Variants in ASPM observed in about 807,000 individuals in gnomAD.
The protein encoded by ASPM is abnormal spindle-like microcephaly-associated protein.
In ASPM, 256 loss-of-function variants were observed where a neutral mutation model predicts 366.4. The observed-to-expected ratio is 0.70, with a 90% CI of 0.63 to 0.77. The LOEUF (loss-of-function observed/expected upper bound fraction) is 0.77. Ranked by LOEUF, ASPM falls within the 30% of genes least tolerant of loss-of-function variation. The probability of loss-of-function intolerance (pLI) is 0.00; values close to 1 mark genes in which losing one functional copy is unlikely to be tolerated. For synonymous variants in ASPM, 1,414 were observed against 1,342.9 expected, an observed-to-expected ratio of 1.05 and a Z score of -1.16; for missense variants, 4,146 against 4,090.4, an observed-to-expected ratio of 1.01 and a Z score of -0.37.
chr1:197,091,077 C>T (rs758257580), intron 22 of ASPM, 36 bp from the exon 23 acceptor site: 2 of 1,522,978 alleles, frequency 1.3e-6, no homozygotes, highest in Admixed American at 1.7e-5. Flanking sequence ...TTCATTTCTA[C>T]TTCAGGTTTT....
At chr1:197,129,447 C>A in intron 8 of ASPM, 130 bp from the exon 9 acceptor site, 1 of 989,440 alleles carries the variant, frequency 1.0e-6, no homozygotes. Context: ...AAATAAAACA[C>A]TATGTGCCTT....
intron 26 of ASPM, among the ~76,000 whole-genome samples, chr1:197,087,624 T>C (rs1656637756): frequency 6.6e-6 from 1 of 152,154 alleles, no homozygotes; most frequent in African/African-American, 2.4e-5. Flanking sequence ...CAAAGTCTTC[T>C]ACTTACCTCT....
intron 17 of ASPM, among the ~76,000 whole-genome samples, chr1:197,108,717 T>C (rs1571605447): frequency 1.3e-5 from 2 of 152,028 alleles, no homozygotes. Flanking sequence ...ACACCTGTAT[T>C]CCTAGCACTT....
intron 19 of ASPM, among the ~76,000 whole-genome samples, chr1:197,095,645 G>A (rs1656946153): frequency 1.3e-5 from 2 of 151,680 alleles, no homozygotes; most frequent in Admixed American, 1.3e-4. Context: ...CAGTAGTTAA[G>A]TCACCCAGCA....
chr1:197,135,366 T>C, intron 4 of ASPM, 124 bp from the exon 5 acceptor site: 1 of 996,006 alleles, frequency 1.0e-6, no homozygotes, highest in Non-Finnish European at 1.6e-6. Flanking sequence ...GCTTTTCTAC[T>C]ACTTGCAGGA....
At chr1:197,125,937 CCCATCACCCATGGCATTAATAGAGTAA>C (rs1658078260) in intron 10 of ASPM, among the ~76,000 whole-genome samples, 1 of 152,130 alleles carries the variant, frequency 6.6e-6, no homozygotes, top group Non-Finnish European at 1.5e-5. Flanking sequence ...TGTAGACCAA[CCCATCACCCATGGCATTAATAGAGTAA>C]CCATCCCAAA....
intron 4 of ASPM, among the ~76,000 whole-genome samples, chr1:197,137,132 T>C (rs1197756150): frequency 1.3e-5 from 2 of 152,158 alleles, no homozygotes; most frequent in African/African-American, 2.4e-5. Flanking sequence ...TGGATTAAGA[T>C]GAAAGAATGA....
chr1:197,107,609 T>C (rs1657452606), intron 17 of ASPM, among the ~76,000 whole-genome samples: 1 of 152,008 alleles, frequency 6.6e-6, no homozygotes, highest in Non-Finnish European at 1.5e-5. Context: ...ATGACAAAGA[T>C]ACTGGAATTG....
chr1:197,095,659 T>C (rs932222176), intron 19 of ASPM, among the ~76,000 whole-genome samples: 5 of 151,744 alleles, frequency 3.3e-5, no homozygotes, highest in Non-Finnish European at 7.4e-5. Context: ...CCCAGCAAAA[T>C]GGCCCAAAGC....
chr1:197,084,283 ATAT>A lies in ASPM; in HGVS notation c.*38_*40del. 6.9e-7 allele frequency: 1 copy of A among 1,445,128 alleles called. No homozygotes were observed. The highest frequency in any genetic ancestry group is 1.4e-5 in the African/African-American group (1 of 71,540). The allele number at this position is 1,445,128 out of a possible 1,614,324, so 89.5% of individuals were successfully genotyped here. ...CTTTACGTACTCATGATTGGCTTTA[ATAT>A]TTCTTTACACTATACATACTGAAAA... On this transcript the variant is annotated 3_prime_UTR_variant, in exon 28 of 28. Coordinates refer to ENST00000367409, the MANE Select transcript of ASPM (RefSeq NM_018136.5).
chr1:197,136,551 GA>G (rs1402368566), intron 4 of ASPM, among the ~76,000 whole-genome samples: 1 of 151,882 alleles, frequency 6.6e-6, no homozygotes, highest in African/African-American at 2.4e-5. Flanking sequence ...AAGTTAAGTT[GA>G]AATAAATTCA....
In ASPM at chr1:197,146,190, G is replaced by T. The variant is rs750568629; in HGVS notation, c.248C>A (p.Pro83Gln). 6.8e-6 allele frequency: 11 copies of T among 1,614,098 alleles called. No individual in the cohort carries two copies. Among genetic ancestry groups the T allele is most frequent in the Admixed American group, 3.3e-5 (2 of 60,022 alleles). ...EVAEVKISHF[P>Q]AADLGFSVSQ... ...CACACTGAAGCCCAGGTCCGCGGCC[G>T]GGAAGTGGGAGATCTTCACTTCTGC... The change falls in exon 1 of 28, where the codon CCG becomes CAG. Residue 83 changes from proline (P) to glutamine (Q), a missense_variant. Around this residue, in one of 3 missense-constraint regions of ASPM, gnomAD observed 512 missense variants for 471.7 expected, o/e 1.09. Coordinates refer to ENST00000367409, the MANE Select transcript of ASPM (RefSeq NM_018136.5).
Position 197,143,234 on chromosome 1 carries a change from A to T in ASPM, c.1018T>A (p.Ser340Thr), listed in dbSNP as rs1658656730. 6.2e-7 allele frequency: 1 copy of T among 1,612,550 alleles called. No individual in the cohort carries two copies. The highest frequency in any genetic ancestry group is 1.7e-5 in the Admixed American group (1 of 59,974). Reference sequence around the variant, plus strand: ...GAATTATCTTTCATAAACATATCTGATGAAAGACATGTTACTAATTCTAGT... The same window carrying T: ...GAATTATCTTTCATAAACATATCTGTTGAAAGACATGTTACTAATTCTAGT... The part of the protein sequence containing the change: ...NELELVTCLS[S>T]DMFMKDNSQP... Residue 340 changes from serine to threonine, a missense_variant, in exon 3 of 28, where the codon TCA (serine) becomes ACA (threonine). Ser to Thr is a moderately conservative substitution (Grantham distance 58). Transcript: ENST00000367409.
chr1:197,087,082 T>G, intron 26 of ASPM, 110 bp from the exon 27 acceptor site: 2 of 1,069,536 alleles, frequency 1.9e-6, no homozygotes, highest in South Asian at 3.0e-5. Flanking sequence ...CCTTTTTTTT[T>G]TCTTTTTTGA....
intron 17 of ASPM, among the ~76,000 whole-genome samples, chr1:197,110,879 G>A (rs986946877): frequency 8.6e-5 from 13 of 151,932 alleles, no homozygotes; most frequent in African/African-American, 2.2e-4. Flanking sequence ...TTCAATAAAC[G>A]GTCAGTGCAG....
At position 197,090,046 on chromosome 1, in the gene ASPM, T is replaced by C; in HGVS notation, c.9868A>G (p.Met3290Val). 1 of 1,613,472 alleles carries C rather than the reference T, an allele frequency of 6.2e-7. No individual in the cohort carries two copies. Among genetic ancestry groups the C allele is most frequent in the Non-Finnish European group, 8.5e-7 (1 of 1,179,662 alleles). ...TRLSPLCCEN[M>V]AQSGAISKIF... is the part of the protein sequence containing the mutation. Reference sequence around the variant, plus strand: ...TTAGAAATTGCTCCACTCTGGGCCATGTTCTCACAACAAAGTGGAGACAAT... The same window carrying C: ...TTAGAAATTGCTCCACTCTGGGCCACGTTCTCACAACAAAGTGGAGACAAT... The change falls in exon 25 of 28, where the codon ATG becomes GTG. Residue 3290 changes from methionine to valine, a missense_variant. Around this residue, in one of 3 missense-constraint regions of ASPM, gnomAD observed 3,624 missense variants for 3,591.7 expected, o/e 1.01. Coordinates refer to ENST00000367409, the MANE Select transcript of ASPM (RefSeq NM_018136.5).
Position 197,093,102 on chromosome 1 carries a change from A to AT in ASPM, c.9243dup (p.Ser3082IlefsTer42), listed in dbSNP as rs749449214. 3 of 1,612,142 alleles carry AT rather than the reference A, an allele frequency of 1.9e-6. No individual in the cohort carries two copies. The highest frequency in any genetic ancestry group is 1.1e-5 in the South Asian group (1 of 91,016). The stretch of plus-strand genomic sequence containing the variant: ...ACCAGTGCTTGTAGGATAACTGTAG[A>AT]TTTTTTAAATTCAATATATTTTATC... On this transcript the variant is annotated frameshift_variant, in exon 21 of 28. Coordinates refer to ENST00000367409, the MANE Select transcript of ASPM (RefSeq NM_018136.5). LOFTEE classifies it high-confidence loss of function.
rs376905328 is a variant in ASPM, at chr1:197,086,942, G to A, written c.10192C>T (p.Arg3398Cys). The A allele has an allele frequency of 1.4e-5, 23 of 1,609,702 alleles. No individual in the cohort carries two copies. The highest frequency in any genetic ancestry group is 6.7e-5 in the East Asian group (3 of 44,672). ...DVRSRSKVVD[R>C]IYSLYKLTAH... is the part of the protein sequence containing the mutation. ...GTAAGTTTGTAGAGACTGTAAATAC[G>A]GTCAACAACTTTGGACCTACTTCGT... is the stretch of plus-strand genomic sequence containing the variant. The change falls in exon 27 of 28, where the codon CGT becomes TGT. Residue 3398 changes from arginine (R) to cysteine (C), a missense_variant. Coordinates refer to ENST00000367409, the MANE Select transcript of ASPM (RefSeq NM_018136.5).
chr1:197,134,817 C>A (rs1368293661), intron 5 of ASPM, among the ~76,000 whole-genome samples: 1 of 152,152 alleles, frequency 6.6e-6, no homozygotes, highest in Non-Finnish European at 1.5e-5. Flanking sequence ...ACAGTGGGGA[C>A]AATATGCCCA....
Sources: gnomAD v4.1 joint callset for allele counts (sites outside exome capture counted in the v4.1 genomes callset) on GRCh38, gnomAD v4.1.1 for gene constraint, gnomAD v4.1.1 regional missense constraint, MANE v1.5 for transcripts, NCBI Gene and HGNC (gene_info 2026-07-23, HGNC 2026-07-21) for gene names.